SEMA6D: variants seen among roughly 807,000 people sequenced by gnomAD.
SEMA6D encodes the protein semaphorin 6D, also known as semaphorin-6D.
In SEMA6D, 35 loss-of-function variants were observed where a neutral mutation model predicts 106.6. The observed-to-expected ratio is 0.33, with a 90% CI of 0.25 to 0.44. SEMA6D has a LOEUF of 0.44. Among genes scored for constraint, SEMA6D ranks in the 20% least tolerant of loss-of-function variants. SEMA6D has a pLI of 1.00. For missense variants in SEMA6D, 1,185 were observed against 1,345.9 expected, an observed-to-expected ratio of 0.88 and a Z score of 1.87; for synonymous variants, 499 against 487.7, an observed-to-expected ratio of 1.02 and a Z score of -0.31.
chr15:47,560,764 T>G (rs12437563), intron 3 of SEMA6D, among the ~76,000 whole-genome samples: 109,510 of 151,836 alleles, frequency 0.72, 39,724 homozygotes, highest in South Asian at 0.78. Flanking sequence ...TATCTCTGTG[T>G]GCCCTAGTCC....
rs1184202005 is a variant in SEMA6D, at chr15:47,348,713, ACACAC to A, written c.-238-63674_-238-63670del. 2.1e-3 allele frequency among the ~76,000 whole-genome samples: 173 copies of A among 83,032 alleles called. 1 individual carries two copies. The South Asian group carries it at 0.033, about 16-fold the overall frequency. 54.5% of individuals were successfully genotyped at this position (83,032 alleles called of 152,430 possible). On this transcript the variant is annotated intron_variant, in intron 1 of 19. Coordinates refer to the SEMA6D transcript ENST00000558014. ...CACACACACACACACACACACACAC[ACACAC>A]CACACACACAGAGAGAGAGAGAGAG...
At chr15:47,621,086 T>C (rs2077089686) in intron 4 of SEMA6D, among the ~76,000 whole-genome samples, 1 of 152,118 alleles carries the variant, frequency 6.6e-6, no homozygotes, top group Non-Finnish European at 1.5e-5. Flanking sequence ...TCACAGTCAG[T>C]GGTGAGAAAA....
chr15:47,634,350 A>G (rs2077343396), intron 4 of SEMA6D, among the ~76,000 whole-genome samples: 1 of 152,154 alleles, frequency 6.6e-6, no homozygotes, highest in Non-Finnish European at 1.5e-5. Flanking sequence ...GAGTTGAGGT[A>G]GAAGGTCACT....
chr15:47,650,162 C>T (rs564312329), intron 4 of SEMA6D, among the ~76,000 whole-genome samples: 1 of 152,284 alleles, frequency 6.6e-6, no homozygotes, highest in South Asian at 2.1e-4. Context: ...GGTTAACTGA[C>T]TTGTGCAAAG....
intron 1 of SEMA6D, among the ~76,000 whole-genome samples, chr15:47,336,577 C>T (rs2037565699): frequency 6.6e-6 from 1 of 152,158 alleles, no homozygotes; most frequent in Non-Finnish European, 1.5e-5. Flanking sequence ...GACACTGAAA[C>T]TTGAAATACC....
intron 3 of SEMA6D, among the ~76,000 whole-genome samples, chr15:47,526,823 G>A (rs547465193): frequency 8.6e-5 from 13 of 151,886 alleles, no homozygotes; most frequent in Non-Finnish European, 1.8e-4. Context: ...TGCAACCTCC[G>A]CCTCCCGGGT....
chr15:47,586,231 C>T (rs1265597384), intron 3 of SEMA6D, among the ~76,000 whole-genome samples: 1 of 152,106 alleles, frequency 6.6e-6, no homozygotes, highest in Admixed American at 6.6e-5. Context: ...TGATGTATCC[C>T]TTATTTAGTG....
At chr15:47,600,214 G>A (rs756951209) in intron 3 of SEMA6D, among the ~76,000 whole-genome samples, 2 of 152,122 alleles carry the variant, frequency 1.3e-5, no homozygotes, top group Non-Finnish European at 2.9e-5. Flanking sequence ...TTTGCACAGT[G>A]TTGTTCAAAA....
intron 1 of SEMA6D, among the ~76,000 whole-genome samples, chr15:47,225,186 C>T (rs369441579): frequency 6.6e-6 from 1 of 151,964 alleles, no homozygotes; most frequent in African/African-American, 2.4e-5. Flanking sequence ...CCTCCATGTG[C>T]TTCTTAGCAG....
At chr15:47,656,035 T>A (rs1374491201) in intron 4 of SEMA6D, among the ~76,000 whole-genome samples, 2 of 152,250 alleles carry the variant, frequency 1.3e-5, no homozygotes, top group African/African-American at 4.8e-5. Context: ...CACATTTTGC[T>A]GTTTTAAATG....
At chr15:47,600,324 A>G (rs1898112) in intron 3 of SEMA6D, among the ~76,000 whole-genome samples, 150,121 of 152,194 alleles carry the variant, frequency 0.99, 74,061 homozygotes, top group South Asian at 1. Context: ...CATTATTTCC[A>G]GGTTCTGAGT....
At chr15:47,370,389 C>A (rs761422499) in intron 1 of SEMA6D, among the ~76,000 whole-genome samples, 6 of 152,020 alleles carry the variant, frequency 3.9e-5, no homozygotes, top group Non-Finnish European at 8.8e-5. Context: ...ATGGTTCATG[C>A]ATATAGTCCC....
At chr15:47,357,598 A>T (rs1807237) in intron 1 of SEMA6D, among the ~76,000 whole-genome samples, 1 of 151,354 alleles carries the variant, frequency 6.6e-6, no homozygotes, top group South Asian at 2.1e-4. Context: ...AAGGTGTAGG[A>T]TGGGGAGCTA....
chr15:47,465,374 C>T (rs1438206937), intron 2 of SEMA6D, among the ~76,000 whole-genome samples: 1 of 152,164 alleles, frequency 6.6e-6, no homozygotes, highest in Non-Finnish European at 1.5e-5. Flanking sequence ...TAGTTGTCCG[C>T]ATCCCAGTTA....
At chr15:47,249,722 A>G (rs1029016792) in intron 1 of SEMA6D, among the ~76,000 whole-genome samples, 1 of 152,156 alleles carries the variant, frequency 6.6e-6, no homozygotes, top group Non-Finnish European at 1.5e-5. Context: ...GAGAAACATG[A>G]TGAATAAAGG....
At chr15:47,380,969 A>G (rs1407751798) in intron 1 of SEMA6D, among the ~76,000 whole-genome samples, 1 of 152,268 alleles carries the variant, frequency 6.6e-6, no homozygotes, top group Non-Finnish European at 1.5e-5. Context: ...GATAAATAAA[A>G]TGCTAAAAAG....
chr15:47,508,460 T>A (rs1004730226), intron 3 of SEMA6D, among the ~76,000 whole-genome samples: 3 of 152,174 alleles, frequency 2.0e-5, no homozygotes, highest in Non-Finnish European at 4.4e-5. Context: ...AGTGGCGGAT[T>A]TTTCTGAAAA....
intron 1 of SEMA6D, among the ~76,000 whole-genome samples, chr15:47,387,033 T>G (rs964639019): frequency 1.9e-5 from 2 of 104,112 alleles, no homozygotes; most frequent in Admixed American, 1.8e-4. Context: ...CGGGCCCTGC[T>G]GCGTGTGGCT....
chr15:47,762,048 C>A, intron 7 of SEMA6D, 152 bp from the exon 8 acceptor site: 1 of 876,024 alleles, frequency 1.1e-6, no homozygotes, highest in Non-Finnish European at 1.7e-6. Flanking sequence ...GCTGACCTGT[C>A]ACATGTTGAT....
Sources: gnomAD v4.1 joint callset for allele counts (sites outside exome capture counted in the v4.1 genomes callset) on GRCh38, gnomAD v4.1.1 for gene constraint, MANE v1.5 for transcripts, NCBI Gene and HGNC (gene_info 2026-07-23, HGNC 2026-07-21) for gene names.